The following SORT1 variants were observed in gnomAD, a reference collection of about 807,000 sequenced individuals.
SORT1 encodes the protein sortilin 1, also known as sortilin.
SORT1 carries 39 observed loss-of-function variants against 101.7 expected under a neutral mutation model. The ratio of observed to expected loss-of-function variants is 0.38; its 90% CI spans 0.30 to 0.50. The LOEUF (loss-of-function observed/expected upper bound fraction) is 0.50, where lower values mean the gene tolerates loss of function less well. SORT1 is among the 20% of genes least tolerant of loss of function. The probability of loss-of-function intolerance (pLI) is 0.90; values close to 1 mark genes in which losing one functional copy is unlikely to be tolerated. For missense variants in SORT1, 878 were observed against 1,040.4 expected (o/e 0.84, Z 2.15); for synonymous variants, 396 against 393.7 (o/e 1.01, Z -0.07).
chr1:109,360,072 G>A (rs922961239), intron 3 of SORT1, among the ~76,000 whole-genome samples: 2 of 152,150 alleles, frequency 1.3e-5, no homozygotes, highest in African/African-American at 4.8e-5. Flanking sequence ...CAAACTTCAT[G>A]AGATATATTT....
intron 3 of SORT1, among the ~76,000 whole-genome samples, chr1:109,363,757 T>C (rs930868465): frequency 6.6e-6 from 1 of 152,216 alleles, no homozygotes; most frequent in Non-Finnish European, 1.5e-5. Flanking sequence ...TAATCACCAA[T>C]GCTGTGAAAA....
intron 10 of SORT1, among the ~76,000 whole-genome samples, chr1:109,340,146 C>CAAAAAAAAAA (rs34790280): frequency 1.0e-5 from 1 of 96,280 alleles, no homozygotes; most frequent in East Asian, 3.3e-4. Context: ...GATTCCATCT[C>CAAAAAAAAAA]AAAAAAAAAA....
In SORT1 at chr1:109,311,130, G is replaced by A. The variant is rs1658704897; in HGVS notation, c.*2913C>T. The A allele has an allele frequency of 6.6e-6, 1 of 152,202 alleles. No individual in the cohort carries two copies. Among genetic ancestry groups the A allele is most frequent in the Non-Finnish European group, 1.5e-5 (1 of 68,038 alleles). 9.4% of individuals were successfully genotyped at this position (152,202 alleles called of 1,614,324 possible). On this transcript the variant is annotated 3_prime_UTR_variant, in exon 20 of 20. Transcript: ENST00000256637. ...TTGCCATTGAATTAAAAGCCTACAG[G>A]AGAGACGGGCCTGGTCTGTGGTCTC... is the stretch of plus-strand genomic sequence containing the variant.
In SORT1 at chr1:109,317,952, C is replaced by T. The variant is rs755987119; in HGVS notation, c.2042G>A (p.Arg681His). 11 of 1,612,694 alleles carry T rather than the reference C, an allele frequency of 6.8e-6. No individual in the cohort carries two copies. The highest frequency in any genetic ancestry group is 9.3e-6 in the Non-Finnish European group (11 of 1,178,766). The change falls in exon 16 of 20, where the codon CGT becomes CAT. Residue 681 changes from arginine to histidine, a missense_variant. Coordinates refer to ENST00000256637, the MANE Select transcript of SORT1 (RefSeq NM_002959.7). Reference protein sequence around the residue: ...EDFLCDFGYYRPENDSKCVEQ... With the variant: ...EDFLCDFGYYHPENDSKCVEQ... The stretch of plus-strand genomic sequence containing the variant: ...CACACACTTGGAGTCATTTTCTGGA[C>T]GGTAGTAGCCAAAATCACTGCAAGA...
intron 7 of SORT1, among the ~76,000 whole-genome samples, chr1:109,346,543 A>C (rs1184161331): frequency 6.6e-6 from 1 of 151,978 alleles, no homozygotes; most frequent in Non-Finnish European, 1.5e-5. Context: ...CAGGAGTTCA[A>C]GACCACCCTG....
chr1:109,336,488 T>G, intron 10 of SORT1, 142 bp from the exon 11 acceptor site: 1 of 634,560 alleles, frequency 1.6e-6, no homozygotes. Flanking sequence ...AACGGCTCAT[T>G]GTTGGTAACG....
At chr1:109,363,845 G>A (rs1307690775) in intron 3 of SORT1, among the ~76,000 whole-genome samples, 1 of 152,156 alleles carries the variant, frequency 6.6e-6, no homozygotes, top group Non-Finnish European at 1.5e-5. Context: ...GACCCATTTT[G>A]ATCAAACTGC....
chr1:109,341,602 GC>G (rs1649230212), intron 9 of SORT1, among the ~76,000 whole-genome samples: 1 of 152,138 alleles, frequency 6.6e-6, no homozygotes, highest in African/African-American at 2.4e-5. Context: ...GCCCGCCTCA[GC>G]CTCCCAAAGT....
Position 109,397,913 on chromosome 1 carries a change from G to C in SORT1, c.-21C>G. On this transcript the variant is annotated 5_prime_UTR_variant, in exon 1 of 20. Coordinates refer to ENST00000256637, the MANE Select transcript of SORT1 (RefSeq NM_002959.7). ...TCCATCGCCGCCGAATGCCGCCGAC[G>C]CCGACACCTGCCGCCCGGCGCGCCC... The C allele has an allele frequency of 8.8e-7, 1 of 1,136,474 alleles. No individual in the cohort carries two copies. The highest frequency in any genetic ancestry group is 1.1e-6 in the Non-Finnish European group (1 of 929,022). 70.4% of individuals were successfully genotyped at this position (1,136,474 alleles called of 1,614,324 possible). A position where few individuals can be genotyped will look rare whatever the true frequency, so the allele number is the denominator to read the frequency against.
intron 10 of SORT1, among the ~76,000 whole-genome samples, chr1:109,340,512 A>T (rs1649137221): frequency 6.6e-6 from 1 of 152,080 alleles, no homozygotes; most frequent in African/African-American, 2.4e-5. Flanking sequence ...ACTGTGCTTA[A>T]TGCTACTGAA....
At chr1:109,346,080 G>A (rs962252201) in intron 7 of SORT1, among the ~76,000 whole-genome samples, 199 bp from the exon 8 acceptor site, 2 of 152,082 alleles carry the variant, frequency 1.3e-5, no homozygotes, top group African/African-American at 4.8e-5. Context: ...GGGAGGCTGA[G>A]GTGGGCGGAT....
At chr1:109,326,110 T>C (rs1053644867) in intron 13 of SORT1, among the ~76,000 whole-genome samples, 11 of 149,360 alleles carry the variant, frequency 7.4e-5, no homozygotes, top group Non-Finnish European at 1.3e-4. Flanking sequence ...TGGAGTGCAG[T>C]GGTACGATCT....
chr1:109,321,076 A>C (rs1647595995), intron 15 of SORT1, among the ~76,000 whole-genome samples: 1 of 152,148 alleles, frequency 6.6e-6, no homozygotes, highest in South Asian at 2.1e-4. Context: ...TTAAATGTAA[A>C]TTGCTTAGGA....
chr1:109,365,799 T>C (rs908904611), intron 3 of SORT1, among the ~76,000 whole-genome samples: 17 of 152,178 alleles, frequency 1.1e-4, no homozygotes, highest in African/African-American at 3.9e-4. Flanking sequence ...CTAAAGGTAT[T>C]TGCTGCCTCT....
At chr1:109,378,033 C>A (rs1169830490) in intron 1 of SORT1, among the ~76,000 whole-genome samples, 1 of 152,014 alleles carries the variant, frequency 6.6e-6, no homozygotes, top group African/African-American at 2.4e-5. Flanking sequence ...GAGTTCAAGA[C>A]CAGCCTGGGC....
intron 8 of SORT1, among the ~76,000 whole-genome samples, chr1:109,343,452 T>G (rs111674992): frequency 5.9e-5 from 9 of 152,168 alleles, no homozygotes; most frequent in Non-Finnish European, 1.5e-5. Context: ...ATTCTTCTCT[T>G]TCCAACCTTT....
intron 1 of SORT1, among the ~76,000 whole-genome samples, chr1:109,396,076 C>A (rs1480358722): frequency 6.6e-6 from 1 of 151,096 alleles, no homozygotes; most frequent in East Asian, 1.9e-4. Flanking sequence ...AGAGTGAGAC[C>A]CTATCTCAAA....
chr1:109,326,460 TATATACATACACAC>T (rs1233895132), intron 13 of SORT1, among the ~76,000 whole-genome samples: 12 of 45,872 alleles, frequency 2.6e-4, no homozygotes, highest in African/African-American at 9.0e-4. Context: ...TATATATATA[TATATACATACACAC>T]ACACACACAC....
At chr1:109,369,242 A>T (rs1337743762) in intron 2 of SORT1, among the ~76,000 whole-genome samples, 2 of 152,150 alleles carry the variant, frequency 1.3e-5, no homozygotes, top group African/African-American at 4.8e-5. Flanking sequence ...GAATCGCTTG[A>T]ACCCGGGAGG....
Sources: allele counts gnomAD v4.1 joint callset (sites outside exome capture counted in the v4.1 genomes callset), GRCh38; gene constraint gnomAD v4.1.1; transcripts MANE v1.5; gene names NCBI Gene and HGNC (gene_info 2026-07-23, HGNC 2026-07-21).